Variants in CLIP2 observed in about 807,000 individuals in gnomAD.
The protein encoded by CLIP2 is CAP-Gly domain-containing linker protein 2.
Under a neutral mutation model 111.7 loss-of-function variants are expected in CLIP2, and 41 were observed. The observed-to-expected ratio is 0.37, with a 90% CI of 0.29 to 0.48. The LOEUF is 0.48. Ranked by LOEUF, CLIP2 falls within the 20% of genes least tolerant of loss-of-function variation. CLIP2 has a pLI of 0.99. For synonymous variants in CLIP2, 660 were observed against 644.2 expected, an observed-to-expected ratio of 1.02 and a Z score of -0.37; for missense variants, 1,160 against 1,422.1, an observed-to-expected ratio of 0.82 and a Z score of 2.96.
At position 74,403,885 on chromosome 7, in the gene CLIP2, C is replaced by G. The variant is rs782071131; in HGVS notation, c.*37C>G. ...TACTGTGGAGCAGCCCAGTCCACAC[C>G]AGAGCCCCACGCGGCTGCCCGGCAG... On this transcript the variant is annotated 3_prime_UTR_variant, in exon 17 of 17. Transcript: ENST00000223398. 2 of 1,611,778 alleles carry G rather than the reference C, an allele frequency of 1.2e-6. No individual in the cohort carries two copies. The highest frequency in any genetic ancestry group is 1.1e-5 in the South Asian group (1 of 91,068).
At chr7:74,387,829 C>T (rs73360598) in intron 12 of CLIP2, among the ~76,000 whole-genome samples, 2,501 of 152,250 alleles carry the variant, frequency 0.016, 67 homozygotes, top group African/African-American at 0.054. Context: ...GTTTATTGTA[C>T]CTGTTCTCTC....
intron 1 of CLIP2, among the ~76,000 whole-genome samples, chr7:74,301,754 T>C (rs1788343783): frequency 6.7e-6 from 1 of 148,562 alleles, no homozygotes; most frequent in African/African-American, 2.5e-5. Flanking sequence ...GCTCTGTTGC[T>C]AAGACTGGAG....
chr7:74,387,013 A>G (rs531845294), intron 12 of CLIP2, among the ~76,000 whole-genome samples: 20 of 128,438 alleles, frequency 1.6e-4, no homozygotes, highest in Non-Finnish European at 3.1e-4. Context: ...ACAGAGCGAG[A>G]CTCCATCTCA....
intron 10 of CLIP2, among the ~76,000 whole-genome samples, chr7:74,378,154 G>T (rs368877395): frequency 2.0e-5 from 3 of 146,636 alleles, no homozygotes; most frequent in East Asian, 4.1e-4. Flanking sequence ...TTGAGACAGG[G>T]TCTTGTTCTG....
chr7:74,376,185 T>C lies in CLIP2; in HGVS notation c.1784T>C (p.Leu595Pro). ...NEKYAQEVAGLKDKVQQATSE... is the reference protein window; with the variant it reads ...NEKYAQEVAGPKDKVQQATSE... ...AAGTACGCACAGGAGGTGGCGGGCC[T>C]GAAGGACAAGGTTCAGCAGGCCACC... The change falls in exon 10 of 17, where the codon CTG becomes CCG. Residue 595 changes from leucine to proline, a missense_variant. Transcript: ENST00000223398. The surrounding 1 kb of genome is among the most constrained non-coding windows in gnomAD (Gnocchi z 7.1). 6.2e-7 allele frequency: 1 copy of C among 1,611,578 alleles called. No individual in the cohort carries two copies. The highest frequency in any genetic ancestry group is 8.5e-7 in the Non-Finnish European group (1 of 1,179,008).
chr7:74,386,712 C>T (rs1791113044), intron 12 of CLIP2, 108 bp downstream of exon 12: 1 of 773,196 alleles, frequency 1.3e-6, no homozygotes, highest in Non-Finnish European at 2.0e-6. Context: ...GGGTCCCCTC[C>T]CCGACTCTGC....
At chr7:74,386,672 T>C (rs1791111181) in intron 12 of CLIP2, 68 bp downstream of exon 12, 4 of 1,304,384 alleles carry the variant, frequency 3.1e-6, no homozygotes, top group Non-Finnish European at 3.2e-6. Context: ...AGCTGCCAAT[T>C]AAGCATGGAG....
In CLIP2 at chr7:74,364,938, C is replaced by T. The variant is rs868988991; in HGVS notation, c.1380+623C>T. On this transcript the variant is annotated intron_variant, in intron 8 of 16. Transcript: ENST00000223398. The stretch of plus-strand genomic sequence containing the variant: ...CTCAGGGAGGCTGAGGCTAGAGGAT[C>T]GCTTGAATCTGGGAGATGGAGGCTG... 20 of 447,376 alleles carry T rather than the reference C, an allele frequency of 4.5e-5. 1 individual carries two copies. The Middle Eastern group carries it at 2.8e-3, about 63-fold the overall frequency. 27.7% of individuals were successfully genotyped at this position (447,376 alleles called of 1,614,324 possible).
Position 74,310,036 on chromosome 7 carries a change from C to CAAAAA in CLIP2, c.-67-7406_-67-7402dup, listed in dbSNP as rs71094774. Among the ~76,000 whole-genome samples the CAAAAA allele has an allele frequency of 2.3e-3, 210 of 92,458 alleles. 10 individuals are homozygous for CAAAAA. Among genetic ancestry groups the CAAAAA allele is most frequent in the African/African-American group, 3.9e-3 (63 of 16,212 alleles). The allele number at this position is 92,458 out of a possible 152,430, so 60.7% of individuals were successfully genotyped here. On this transcript the variant is annotated intron_variant, in intron 1 of 16. Coordinates refer to ENST00000223398, the MANE Select transcript of CLIP2 (RefSeq NM_003388.5). Reference sequence around the variant, plus strand: ...GCAATATGGCAAGACCCTGTCTCTACAAAAAAAAAAAAAAAAAAAAAAAAA... The same window carrying CAAAAA: ...GCAATATGGCAAGACCCTGTCTCTACAAAAAAAAAAAAAAAAAAAAAAAAAAAAAA...
At chr7:74,297,572 TGGG>T (rs1354289526) in intron 1 of CLIP2, among the ~76,000 whole-genome samples, 1 of 152,094 alleles carries the variant, frequency 6.6e-6, no homozygotes, top group East Asian at 1.9e-4. Context: ...CCTCCAGTGA[TGGG>T]GGGCTCACTG....
At chr7:74,303,207 T>C (rs1564026662) in intron 1 of CLIP2, among the ~76,000 whole-genome samples, 1 of 152,200 alleles carries the variant, frequency 6.6e-6, no homozygotes, top group Non-Finnish European at 1.5e-5. Context: ...ATGTGGAGAC[T>C]CTAGCTTCAC....
At chr7:74,311,731 T>C (rs1554728526) in intron 1 of CLIP2, among the ~76,000 whole-genome samples, 1 of 151,712 alleles carries the variant, frequency 6.6e-6, no homozygotes, top group Non-Finnish European at 1.5e-5. Flanking sequence ...GCAATGTAGC[T>C]AGACCCAGTC....
intron 1 of CLIP2, among the ~76,000 whole-genome samples, chr7:74,317,059 A>G (rs1788796920): frequency 6.6e-6 from 1 of 152,172 alleles, no homozygotes; most frequent in South Asian, 2.1e-4. Context: ...CTTTGTTGCA[A>G]ACAGTTTGAT....
At chr7:74,318,822 G>A (rs1408621921) in intron 2 of CLIP2, among the ~76,000 whole-genome samples, 2 of 152,164 alleles carry the variant, frequency 1.3e-5, no homozygotes, top group Non-Finnish European at 2.9e-5. Context: ...AGCAGGATAG[G>A]TCACTGCCCA....
intron 3 of CLIP2, among the ~76,000 whole-genome samples, chr7:74,339,402 T>A (rs148455677): frequency 0.017 from 2,583 of 152,082 alleles, 69 homozygotes; most frequent in African/African-American, 0.056. Context: ...ACCTCCCAGG[T>A]TCAAGCAATT....
intron 2 of CLIP2, among the ~76,000 whole-genome samples, chr7:74,336,740 G>T (rs1789471821): frequency 6.6e-6 from 1 of 152,082 alleles, no homozygotes; most frequent in African/African-American, 2.4e-5. Flanking sequence ...ATATCTCTGA[G>T]CCTCAGTTTT....
chr7:74,394,037 C>T (rs1047807988), intron 13 of CLIP2, among the ~76,000 whole-genome samples: 1 of 152,088 alleles, frequency 6.6e-6, no homozygotes, highest in Admixed American at 6.6e-5. Context: ...GATGCCCCTC[C>T]GCTGAGTCTC....
chr7:74,342,385 A>AC (rs1491465287), intron 3 of CLIP2, among the ~76,000 whole-genome samples: 1 of 89,012 alleles, frequency 1.1e-5, no homozygotes, highest in South Asian at 3.5e-4. Context: ...CAAAAAAAAA[A>AC]CAAAAAAAAA....
intron 3 of CLIP2, among the ~76,000 whole-genome samples, chr7:74,346,441 A>T (rs182230343): frequency 6.6e-6 from 1 of 152,160 alleles, no homozygotes; most frequent in Non-Finnish European, 1.5e-5. Context: ...AAGTCTTTGC[A>T]TCTGGGCACA....
Sources: gnomAD v4.1 joint callset for allele counts (sites outside exome capture counted in the v4.1 genomes callset) on GRCh38, gnomAD v4.1.1 for gene constraint, Gnocchi (gnomAD v3.1) non-coding constraint, MANE v1.5 for transcripts, NCBI Gene and HGNC (gene_info 2026-07-23, HGNC 2026-07-21) for gene names.